DOCK8: variants seen among roughly 807,000 people sequenced by gnomAD.
The protein encoded by DOCK8 is dedicator of cytokinesis protein 8.
In DOCK8, 141 loss-of-function variants were observed where a neutral mutation model predicts 245.6. That is an observed-to-expected ratio of 0.57 (90% CI 0.50 to 0.66). The LOEUF (loss-of-function observed/expected upper bound fraction) is 0.66. Ranked by LOEUF, DOCK8 falls within the 30% of genes least tolerant of loss-of-function variation. The pLI is 0.00. For missense variants in DOCK8, 2,965 were observed against 2,603.4 expected (o/e 1.14, Z -3.02); for synonymous variants, 1,168 against 970.2 (o/e 1.20, Z -3.79).
chr9:420,024 G>T lies in DOCK8; in HGVS notation c.3841-377G>T, dbSNP rs939033917. ...ACCCTCTGCTGCCCAGCACGAAGGA[G>T]AAATACTTGGAGATCTTAGCAGCAT... is the stretch of plus-strand genomic sequence containing the variant. On this transcript the variant is annotated intron_variant, in intron 30 of 47. Coordinates refer to ENST00000432829, the MANE Select transcript of DOCK8 (RefSeq NM_203447.4). The T allele has an allele frequency of 1.2e-5, 4 of 323,348 alleles. No individual in the cohort carries two copies. In the East Asian group the frequency reaches 2.9e-4, roughly 24 times the overall value. The allele number at this position is 323,348 out of a possible 1,614,324, so 20.0% of individuals were successfully genotyped here.
chr9:306,471 T>A (rs377212119), intron 5 of DOCK8, among the ~76,000 whole-genome samples: 7 of 152,266 alleles, frequency 4.6e-5, no homozygotes, highest in African/African-American at 1.4e-4. Flanking sequence ...GAAGCCACGG[T>A]AGGTATTTCA....
At chr9:450,503 C>G (rs1049609460) in intron 45 of DOCK8, among the ~76,000 whole-genome samples, 8 of 152,172 alleles carry the variant, frequency 5.3e-5, no homozygotes, top group African/African-American at 1.9e-4. Context: ...CTCAAGCAGT[C>G]TCAGATGAAG....
At chr9:220,479 A>T (rs2046856207) in intron 1 of DOCK8, among the ~76,000 whole-genome samples, 1 of 152,164 alleles carries the variant, frequency 6.6e-6, no homozygotes, top group African/African-American at 2.4e-5. Context: ...AACTCCCCAT[A>T]AAGGTAGTGA....
intron 1 of DOCK8, chr9:220,846 G>A (rs113228580): frequency 3.8e-4 from 120 of 319,312 alleles, no homozygotes; most frequent in African/African-American, 2.5e-3. Context: ...TCAGCCTCCT[G>A]AGTAGCTGAG....
At chr9:249,514 T>A (rs2047597104) in intron 1 of DOCK8, among the ~76,000 whole-genome samples, 1 of 152,228 alleles carries the variant, frequency 6.6e-6, no homozygotes. Flanking sequence ...CATGCCAAAC[T>A]ATTAAGAGTA....
At chr9:285,227 G>A (rs2048768957) in intron 2 of DOCK8, among the ~76,000 whole-genome samples, 1 of 152,144 alleles carries the variant, frequency 6.6e-6, no homozygotes, top group Non-Finnish European at 1.5e-5. Flanking sequence ...GACGAGGCCT[G>A]CCACATCTCC....
intron 47 of DOCK8, 116 bp downstream of exon 47, chr9:463,803 A>C: frequency 8.0e-7 from 1 of 1,243,432 alleles, no homozygotes; most frequent in Admixed American, 2.0e-5. Context: ...GAAAGGGTGG[A>C]AGAGGGTCCC....
At chr9:217,909 CTG>C in intron 1 of DOCK8, among the ~76,000 whole-genome samples, 1 of 152,274 alleles carries the variant, frequency 6.6e-6, no homozygotes, top group Middle Eastern at 3.4e-3. Flanking sequence ...GCTCCAAAGA[CTG>C]TGCTCTTAAT....
chr9:331,115 T>A (rs1179910569), intron 9 of DOCK8, among the ~76,000 whole-genome samples: 1 of 152,210 alleles, frequency 6.6e-6, no homozygotes, highest in African/African-American at 2.4e-5. Context: ...TCCTTCCAAT[T>A]TGTTCTACAA....
chr9:364,794 G>C (rs2052900130), intron 14 of DOCK8, among the ~76,000 whole-genome samples: 1 of 152,086 alleles, frequency 6.6e-6, no homozygotes, highest in Non-Finnish European at 1.5e-5. Flanking sequence ...TGTTATGCAA[G>C]GTTGAAAAAA....
At position 449,777 on chromosome 9, in the gene DOCK8, T is replaced by C. The variant is rs1318180206; in HGVS notation, c.5818-7T>C. The stretch of plus-strand genomic sequence containing the variant: ...GTGACTTCCCTATGTTTACGTCTCA[T>C]GTTCAGTTTGTTTTGACACCGATTG... On this transcript the variant is annotated splice_polypyrimidine_tract_variant and splice_region_variant and intron_variant, in intron 44 of 47. Coordinates refer to ENST00000432829, the MANE Select transcript of DOCK8 (RefSeq NM_203447.4). 6.2e-7 allele frequency: 1 copy of C among 1,612,602 alleles called. No individual in the cohort carries two copies. Among genetic ancestry groups the C allele is most frequent in the Non-Finnish European group, 8.5e-7 (1 of 1,180,000 alleles).
At chr9:258,664 C>G (rs947730491) in intron 1 of DOCK8, among the ~76,000 whole-genome samples, 6 of 135,430 alleles carry the variant, frequency 4.4e-5, no homozygotes, top group Non-Finnish European at 7.6e-5. Flanking sequence ...GTGTCACGAT[C>G]TCGGCATACT....
At chr9:408,783 TTA>T (rs1386943885) in intron 28 of DOCK8, among the ~76,000 whole-genome samples, 5 of 152,206 alleles carry the variant, frequency 3.3e-5, no homozygotes, top group Non-Finnish European at 5.9e-5. Context: ...ATTGTTGCTG[TTA>T]TATTACTAGC....
rs754140228 is a variant in DOCK8 at position 332,381 on chromosome 9, A to T, written c.1045-17A>T. On this transcript the variant is annotated splice_polypyrimidine_tract_variant and intron_variant, in intron 9 of 47. Coordinates refer to ENST00000432829, the MANE Select transcript of DOCK8 (RefSeq NM_203447.4). The stretch of plus-strand genomic sequence containing the variant: ...TGTAATTTATGTGCCTTATTTTAAT[A>T]TTCTTTTTATTGGTAGATTGAAAAA... 10 of 1,571,114 alleles carry T rather than the reference A, an allele frequency of 6.4e-6. No individual in the cohort carries two copies. Among genetic ancestry groups the T allele is most frequent in the Non-Finnish European group, 7.9e-6 (9 of 1,141,174 alleles).
chr9:423,461 G>A (rs2056360334), intron 33 of DOCK8, among the ~76,000 whole-genome samples: 1 of 152,202 alleles, frequency 6.6e-6, no homozygotes, highest in South Asian at 2.1e-4. Context: ...GGGTGATGAA[G>A]CACCCATCAA....
At chr9:263,504 G>T (rs577431915) in intron 1 of DOCK8, among the ~76,000 whole-genome samples, 1 of 152,074 alleles carries the variant, frequency 6.6e-6, no homozygotes, top group South Asian at 2.1e-4. Flanking sequence ...ATATTGCACA[G>T]TCACTATCAT....
intron 32 of DOCK8, among the ~76,000 whole-genome samples, chr9:421,803 A>T (rs1564047300): frequency 2.0e-5 from 3 of 152,196 alleles, no homozygotes; most frequent in African/African-American, 7.2e-5. Flanking sequence ...TCCTCTGCTC[A>T]TGAGAAATGT....
chr9:287,564 TA>T lies in DOCK8; in HGVS notation c.332+930del, dbSNP rs553296724. 7.2e-5 allele frequency among the ~76,000 whole-genome samples: 11 copies of T among 152,246 alleles called. No individual in the cohort carries two copies. The South Asian group carries it at 2.3e-3, about 32-fold the overall frequency. On this transcript the variant is annotated intron_variant, in intron 3 of 47. Transcript: ENST00000432829. The stretch of plus-strand genomic sequence containing the variant: ...TTTTGGATTTTATTTCATCACAGTT[TA>T]AGGAGGTTGGATGATAATGGGCTGG...
chr9:376,934 T>G, intron 19 of DOCK8, 43 bp from the exon 20 acceptor site: 3 of 1,554,610 alleles, frequency 1.9e-6, no homozygotes, highest in Non-Finnish European at 2.6e-6. Flanking sequence ...TGGTGAACAT[T>G]GATGGTATAA....
Sources: gnomAD v4.1 joint callset for allele counts (sites outside exome capture counted in the v4.1 genomes callset) on GRCh38, gnomAD v4.1.1 for gene constraint, MANE v1.5 for transcripts, NCBI Gene and HGNC (gene_info 2026-07-23, HGNC 2026-07-21) for gene names.